Variants in RABGAP1 observed in about 807,000 individuals in gnomAD.
RABGAP1 encodes the protein rab GTPase-activating protein 1.
In RABGAP1, 23 loss-of-function variants were observed where a neutral mutation model predicts 137.6. That is an observed-to-expected ratio of 0.17 (90% CI 0.12 to 0.24). The LOEUF is 0.24. Among genes scored for constraint, RABGAP1 ranks in the 10% least tolerant of loss-of-function variants. The pLI is 1.00. For missense variants in RABGAP1, 906 were observed against 1,275.8 expected, an observed-to-expected ratio of 0.71 and a Z score of 4.42; for synonymous variants, 451 against 450.7, an observed-to-expected ratio of 1.00 and a Z score of -0.01.
At chr9:123,016,246 C>A (rs920266534) in intron 12 of RABGAP1, among the ~76,000 whole-genome samples, 1 of 152,096 alleles carries the variant, frequency 6.6e-6, no homozygotes, top group Non-Finnish European at 1.5e-5. Context: ...GTGGTTCATG[C>A]CTGTAATCTC....
At chr9:123,025,846 A>G (rs2031928859) in intron 13 of RABGAP1, among the ~76,000 whole-genome samples, 1 of 152,078 alleles carries the variant, frequency 6.6e-6, no homozygotes, top group African/African-American at 2.4e-5. Flanking sequence ...CCTCTTTTAC[A>G]ATGTTTATGC....
intron 13 of RABGAP1, chr9:123,035,204 A>C (rs2032560508): frequency 6.2e-7 from 1 of 1,614,030 alleles, no homozygotes; most frequent in Non-Finnish European, 8.5e-7. Flanking sequence ...ACCTATTTCA[A>C]CATCTTCCGC....
rs1171827240 is a variant in RABGAP1 at position 123,101,559 on chromosome 9, A to G, written c.2890-7A>G. The G allele has an allele frequency of 1.2e-6, 2 of 1,612,758 alleles. No homozygotes were observed. Among genetic ancestry groups the G allele is most frequent in the Non-Finnish European group, 8.5e-7 (1 of 1,179,278 alleles). On this transcript the variant is annotated splice_polypyrimidine_tract_variant and splice_region_variant and intron_variant, in intron 24 of 25. Coordinates refer to ENST00000373647, the MANE Select transcript of RABGAP1 (RefSeq NM_012197.4). ...TTTGCCTCTTCACATCTAACATTCAATTTCAGCAAAAAGTGGATGACTGTG... is the reference window on the plus strand; with the variant it reads ...TTTGCCTCTTCACATCTAACATTCAGTTTCAGCAAAAAGTGGATGACTGTG...
chr9:123,068,348 CAAAAA>C (rs998962006), intron 14 of RABGAP1, among the ~76,000 whole-genome samples: 1,323 of 66,556 alleles, frequency 0.02, 24 homozygotes, highest in African/African-American at 0.047. Context: ...GACTCCATCT[CAAAAA>C]AAAAAAAAAA....
chr9:122,972,035 A>G (rs1835498597), intron 2 of RABGAP1: 1 of 152,212 alleles, frequency 6.6e-6, no homozygotes, highest in South Asian at 2.1e-4. Context: ...GAGAATAGAG[A>G]TGAAGTGGAC....
intron 13 of RABGAP1, among the ~76,000 whole-genome samples, chr9:123,036,967 T>G (rs538388481): frequency 5.3e-5 from 8 of 152,308 alleles, no homozygotes; most frequent in African/African-American, 1.9e-4. Flanking sequence ...TTTATTTTTC[T>G]AAAAGGAGAG....
At chr9:122,962,540 A>T (rs983491313) in intron 2 of RABGAP1, among the ~76,000 whole-genome samples, 3 of 152,126 alleles carry the variant, frequency 2.0e-5, no homozygotes, top group Non-Finnish European at 4.4e-5. Context: ...AATAATAAAA[A>T]TAGTACATTG....
Position 123,099,525 on chromosome 9 carries a change from T to C in RABGAP1, c.2865T>C (p.Asn955=), listed in dbSNP as rs1482035270. Residue 955 remains asparagine, a synonymous_variant, in exon 24 of 26, where the codon AAT becomes AAC. Transcript: ENST00000373647. ...GATTGGAGAAGCAGCAGACAGCCAA[T>C]AAGGTGGAAATTGAGAAAATTCGGG... is the stretch of plus-strand genomic sequence containing the variant. ...SERLEKQQTA[N]KVEIEKIRQK... The C allele has an allele frequency of 1.9e-6, 3 of 1,612,586 alleles. No individual in the cohort carries two copies. In the African/African-American group the frequency reaches 4.0e-5, roughly 22 times the overall value.
rs562666562 is a variant in RABGAP1, at chr9:123,015,185, G to A, written c.1550-358G>A. Reference sequence around the variant, plus strand: ...AGTTAGGTAGTTTGAAATTTTTTAAGTGTTTTAAATAAGACATATATTTTC... The same window carrying A: ...AGTTAGGTAGTTTGAAATTTTTTAAATGTTTTAAATAAGACATATATTTTC... On this transcript the variant is annotated intron_variant, in intron 11 of 25. Transcript: ENST00000373647. Among the ~76,000 whole-genome samples the A allele has an allele frequency of 1.5e-4, 22 of 151,668 alleles. No homozygotes were observed. The South Asian group carries it at 4.6e-3, about 32-fold the overall frequency.
chr9:123,101,838 C>CT, intron 25 of RABGAP1, 75 bp downstream of exon 25: 39 of 1,419,768 alleles, frequency 2.7e-5, no homozygotes, highest in Non-Finnish European at 3.6e-5. Context: ...CAGAAATTAT[C>CT]TTTATGGTTT....
intron 10 of RABGAP1, among the ~76,000 whole-genome samples, chr9:123,001,306 A>G (rs550257404): frequency 1.3e-5 from 2 of 152,342 alleles, no homozygotes; most frequent in African/African-American, 4.8e-5. Flanking sequence ...CCTGGAACAT[A>G]GTAGTTCTCA....
At chr9:123,075,446 A>T (rs960768011) in intron 17 of RABGAP1, among the ~76,000 whole-genome samples, 2 of 152,206 alleles carry the variant, frequency 1.3e-5, no homozygotes, top group African/African-American at 4.8e-5. Context: ...AAAATTCATA[A>T]AGAATTTGTA....
At chr9:123,038,601 T>C (rs1434552391) in intron 13 of RABGAP1, among the ~76,000 whole-genome samples, 4 of 152,172 alleles carry the variant, frequency 2.6e-5, no homozygotes, top group Admixed American at 2.6e-4. Flanking sequence ...CAAAATGTAT[T>C]GTTACATGAG....
intron 24 of RABGAP1, among the ~76,000 whole-genome samples, chr9:123,100,609 T>C (rs1023208250): frequency 5.3e-5 from 8 of 152,046 alleles, no homozygotes; most frequent in African/African-American, 1.9e-4. Flanking sequence ...TTAGTAGAGG[T>C]AGGGTTTCAC....
chr9:123,061,504 T>G (rs1040517562), intron 13 of RABGAP1, among the ~76,000 whole-genome samples: 1 of 152,144 alleles, frequency 6.6e-6, no homozygotes, highest in African/African-American at 2.4e-5. Flanking sequence ...AAGGGAAGAG[T>G]TGAATAACTG....
At position 122,996,044 on chromosome 9, in the gene RABGAP1, A is replaced by G; in HGVS notation, c.927A>G (p.Ala309=). The G allele has an allele frequency of 2.5e-6, 4 of 1,602,278 alleles. No individual in the cohort carries two copies. The highest frequency in any genetic ancestry group is 3.4e-6 in the Non-Finnish European group (4 of 1,176,582). The change falls in exon 7 of 26, where the codon GCA becomes GCG. Residue 309 remains alanine, a synonymous_variant. Coordinates refer to ENST00000373647, the MANE Select transcript of RABGAP1 (RefSeq NM_012197.4). ...KEDDGKGYFS[A]VPKDKDRQCF... ...AATGAAACATGTTGGTCTACAGTGC[A>G]GTTCCCAAAGATAAGGACAGACAGT...
At chr9:122,987,275 A>G (rs1836422121) in intron 4 of RABGAP1, among the ~76,000 whole-genome samples, 1 of 152,248 alleles carries the variant, frequency 6.6e-6, no homozygotes, top group Admixed American at 6.5e-5. Flanking sequence ...CTGTTGCTCA[A>G]TAAGTCAGAT....
At chr9:123,094,779 A>C (rs1290916020) in intron 21 of RABGAP1, among the ~76,000 whole-genome samples, 1 of 152,152 alleles carries the variant, frequency 6.6e-6, no homozygotes, top group Non-Finnish European at 1.5e-5. Flanking sequence ...CTTTGCAGGA[A>C]ATTAATTGTG....
intron 19 of RABGAP1, among the ~76,000 whole-genome samples, chr9:123,080,366 G>T (rs2034668266): frequency 6.6e-6 from 1 of 152,162 alleles, no homozygotes; most frequent in South Asian, 2.1e-4. Context: ...TGAGATAGTA[G>T]TTTTTCTTGA....
Sources: gnomAD v4.1 joint callset for allele counts (sites outside exome capture counted in the v4.1 genomes callset) on GRCh38, gnomAD v4.1.1 for gene constraint, MANE v1.5 for transcripts, NCBI Gene and HGNC (gene_info 2026-07-23, HGNC 2026-07-21) for gene names.